The following PCDH9 variants were observed in gnomAD, a reference collection of about 807,000 sequenced individuals.
The protein encoded by PCDH9 is protocadherin-9.
Under a neutral mutation model 70.6 loss-of-function variants are expected in PCDH9, and 24 were observed. That is an observed-to-expected ratio of 0.34 (90% CI 0.25 to 0.48). PCDH9 has a LOEUF of 0.48. Among genes scored for constraint, PCDH9 ranks in the 20% least tolerant of loss-of-function variants. The pLI is 0.99. For missense variants in PCDH9, 1,281 were observed against 1,503.6 expected, an observed-to-expected ratio of 0.85 and a Z score of 2.45; for synonymous variants, 562 against 558.5, an observed-to-expected ratio of 1.01 and a Z score of -0.09.
chr13:67,111,063 T>C (rs1247255500), intron 2 of PCDH9, among the ~76,000 whole-genome samples: 1 of 152,238 alleles, frequency 6.6e-6, no homozygotes, highest in Non-Finnish European at 1.5e-5. Flanking sequence ...TAGAATCTCA[T>C]GCCTCTTTCC....
At chr13:66,654,355 A>G (rs1422467082) in intron 3 of PCDH9, among the ~76,000 whole-genome samples, 2 of 152,078 alleles carry the variant, frequency 1.3e-5, no homozygotes, top group African/African-American at 2.4e-5. Context: ...GGGATGGTTA[A>G]TGGGTACAAA....
intron 2 of PCDH9, among the ~76,000 whole-genome samples, chr13:66,936,391 A>T (rs1041136001): frequency 6.6e-6 from 1 of 152,156 alleles, no homozygotes; most frequent in Admixed American, 6.5e-5. Flanking sequence ...CTCGATCTAG[A>T]TCTTTGCAAA....
intron 4 of PCDH9, among the ~76,000 whole-genome samples, chr13:66,445,215 AT>A (rs1003262698): frequency 3.4e-5 from 5 of 147,006 alleles, no homozygotes; most frequent in South Asian, 4.2e-4. Context: ...AATATATATA[AT>A]TTTTTTGCCA....
At chr13:66,573,733 GT>G (rs937314923) in intron 4 of PCDH9, among the ~76,000 whole-genome samples, 7 of 138,926 alleles carry the variant, frequency 5.0e-5, no homozygotes, top group South Asian at 2.5e-4. Flanking sequence ...GAGCAGTTGG[GT>G]TTTTTTGTTT....
chr13:67,116,771 T>C (rs1268775754), intron 2 of PCDH9, among the ~76,000 whole-genome samples: 2 of 152,220 alleles, frequency 1.3e-5, no homozygotes, highest in Non-Finnish European at 2.9e-5. Context: ...AGATAAGTTG[T>C]TAATTCAAAA....
intron 2 of PCDH9, chr13:67,001,698 C>A (rs1012151897): frequency 6.6e-5 from 10 of 152,206 alleles, no homozygotes; most frequent in African/African-American, 1.4e-4. Context: ...ACGGCAGAGT[C>A]CCCCAAGGTA....
chr13:67,204,215 A>G (rs1194822223), intron 2 of PCDH9: 1 of 152,118 alleles, frequency 6.6e-6, no homozygotes, highest in Non-Finnish European at 1.5e-5. Flanking sequence ...TACACTGCAC[A>G]CAGTACTGGC....
At chr13:66,751,234 A>T (rs2079453803) in intron 3 of PCDH9, among the ~76,000 whole-genome samples, 1 of 152,050 alleles carries the variant, frequency 6.6e-6, no homozygotes, top group Admixed American at 6.6e-5. Flanking sequence ...CATTTTATAG[A>T]TACATGAAAA....
chr13:66,846,250 A>G (rs1021361662), intron 3 of PCDH9, among the ~76,000 whole-genome samples: 22 of 152,308 alleles, frequency 1.4e-4, no homozygotes, highest in African/African-American at 4.6e-4. Context: ...TTGGAAAAAA[A>G]TTACTAAACA....
chr13:66,944,739 T>C (rs1045331723), intron 2 of PCDH9, among the ~76,000 whole-genome samples: 1 of 152,086 alleles, frequency 6.6e-6, no homozygotes, highest in African/African-American at 2.4e-5. Context: ...TGTGGCAGAA[T>C]GGGCAAATGT....
At chr13:66,750,982 C>T (rs1416776737) in intron 3 of PCDH9, among the ~76,000 whole-genome samples, 1 of 152,088 alleles carries the variant, frequency 6.6e-6, no homozygotes, top group Non-Finnish European at 1.5e-5. Flanking sequence ...CATGAAATAT[C>T]AGAAACGGGC....
chr13:66,836,339 T>A (rs1215455588), intron 3 of PCDH9, among the ~76,000 whole-genome samples: 1 of 152,178 alleles, frequency 6.6e-6, no homozygotes, highest in African/African-American at 2.4e-5. Context: ...TTACTAACTA[T>A]CCTTCTTTTA....
chr13:66,759,559 T>C (rs2079589926), intron 3 of PCDH9, among the ~76,000 whole-genome samples: 1 of 152,140 alleles, frequency 6.6e-6, no homozygotes, highest in Non-Finnish European at 1.5e-5. Flanking sequence ...AGATCTTTTT[T>C]CTTTCTTCCT....
chr13:66,622,722 C>T (rs1164186182), intron 4 of PCDH9, among the ~76,000 whole-genome samples: 1 of 152,176 alleles, frequency 6.6e-6, no homozygotes. Context: ...CTCTACCAAT[C>T]AGCAGGATGT....
chr13:67,073,471 G>A (rs2085808213), intron 2 of PCDH9, among the ~76,000 whole-genome samples: 1 of 151,814 alleles, frequency 6.6e-6, no homozygotes, highest in African/African-American at 2.4e-5. Flanking sequence ...TAATTGAATT[G>A]TGGAAAATAA....
At position 66,437,404 on chromosome 13, in the gene PCDH9, C is replaced by CAAAA. The variant is rs66796123; in HGVS notation, c.3341-132380_3341-132377dup. On this transcript the variant is annotated intron_variant, in intron 4 of 4. Coordinates refer to ENST00000377865, the MANE Select transcript of PCDH9 (RefSeq NM_203487.3). ...TGGGTGACAGAGCAAGACTCTGTCT[C>CAAAA]AAAAAAAAAAAAAAAAAAAAAAGGA... 2.2e-3 allele frequency among the ~76,000 whole-genome samples: 98 copies of CAAAA among 45,494 alleles called. 12 individuals are homozygous for CAAAA. The highest frequency in any genetic ancestry group is 5.2e-3 in the South Asian group (3 of 576). 29.8% of individuals were successfully genotyped at this position (45,494 alleles called of 152,430 possible). A position where few individuals can be genotyped will look rare whatever the true frequency, so the allele number is the denominator to read the frequency against.
At position 66,560,674 on chromosome 13, in the gene PCDH9, C is replaced by T. The variant is rs188089699; in HGVS notation, c.3340+70536G>A. Among the ~76,000 whole-genome samples the T allele has an allele frequency of 9.2e-5, 14 of 152,296 alleles. 1 individual carries two copies. The highest frequency in any genetic ancestry group is 9.2e-4 in the Admixed American group (14 of 15,300). ...AATAATCAGCTAATAAAATTGGCTT[C>T]AAAATACTCTTGGATTGGAGAATTG... On this transcript the variant is annotated intron_variant, in intron 4 of 4. Transcript: ENST00000377865.
At chr13:66,307,741 A>G (rs1955492628) in intron 4 of PCDH9, among the ~76,000 whole-genome samples, 1 of 152,060 alleles carries the variant, frequency 6.6e-6, no homozygotes, top group African/African-American at 2.4e-5. Flanking sequence ...AAAAGAGAGG[A>G]TGTGCAAGGC....
intron 2 of PCDH9, among the ~76,000 whole-genome samples, chr13:67,073,646 T>A (rs2085812496): frequency 6.6e-6 from 1 of 152,118 alleles, no homozygotes; most frequent in East Asian, 1.9e-4. Context: ...ATTTTGAAGA[T>A]CTAAAACTTT....
Sources: allele counts gnomAD v4.1 joint callset (sites outside exome capture counted in the v4.1 genomes callset), GRCh38; gene constraint gnomAD v4.1.1; transcripts MANE v1.5; gene names NCBI Gene and HGNC (gene_info 2026-07-23, HGNC 2026-07-21).